Variants in PHKA2 observed in about 807,000 individuals in gnomAD.
The protein encoded by PHKA2 is phosphorylase kinase regulatory subunit alpha 2.
PHKA2 carries 31 observed loss-of-function variants against 102.0 expected under a neutral mutation model. The observed-to-expected ratio is 0.30, with a 90% CI of 0.23 to 0.41. PHKA2 has a LOEUF of 0.41. Ranked by LOEUF, PHKA2 falls within the 10% of genes least tolerant of loss-of-function variation. The pLI, the probability that PHKA2 is intolerant of heterozygous loss-of-function variation, is 1.00. For missense variants in PHKA2, 858 were observed against 1,023.1 expected, an observed-to-expected ratio of 0.84 and a Z score of 2.20; for synonymous variants, 455 against 416.2, an observed-to-expected ratio of 1.09 and a Z score of -1.13.
Position 18,908,850 on chromosome X carries a change from A to G in PHKA2, c.2311T>C (p.Ser771Pro). Residue 771 changes from serine (S) to proline (P), a missense_variant, in exon 21 of 33, where the codon TCG (serine) becomes CCG (proline). By Grantham distance (74) the Ser-to-Pro change is moderately conservative. This residue lies in a region of PHKA2 where 671 missense variants were observed against 745.2 expected (regional missense o/e 0.90). Transcript: ENST00000379942. ...ATGTCTGCTTGGTCCTGTAGGTTCGAACAATCTTTTAGCTGCTCAACCAGC... is the reference window on the plus strand; with the variant it reads ...ATGTCTGCTTGGTCCTGTAGGTTCGGACAATCTTTTAGCTGCTCAACCAGC... ...EKLVEQLKDC[S>P]NLQDQADILY... The G allele has an allele frequency of 8.3e-7, 1 of 1,210,558 alleles. No individual in the cohort carries two copies. The highest frequency in any genetic ancestry group is 1.1e-6 in the Non-Finnish European group (1 of 894,344).
At chrX:18,957,738 T>TTTTATATATATATA (rs1556017565) in intron 1 of PHKA2, among the ~76,000 whole-genome samples, 3 of 95,147 alleles carry the variant, frequency 3.2e-5, no homozygotes, top group African/African-American at 1.3e-4. Context: ...TAAAACCAGA[T>TTTTATATATATATA]TATATATATA....
chrX:18,940,828 T>C (rs1206674580), intron 8 of PHKA2, among the ~76,000 whole-genome samples: 1 of 111,623 alleles, frequency 9.0e-6, no homozygotes, highest in Non-Finnish European at 1.9e-5. Context: ...CCGCTCTTCT[T>C]GTAAACACTT....
rs879137819 is a variant in PHKA2, at chrX:18,892,743, C to CT, written c.*741dup. ...TGCCTGGCTATAAGAGGAGCCTTGTCTTTTTTTTTTTTTTTTTCTAGATTC... is the reference window on the plus strand; with the variant it reads ...TGCCTGGCTATAAGAGGAGCCTTGTCTTTTTTTTTTTTTTTTTTCTAGATTC... On this transcript the variant is annotated 3_prime_UTR_variant, in exon 33 of 33. Coordinates refer to ENST00000379942, the MANE Select transcript of PHKA2 (RefSeq NM_000292.3). 675 of 94,075 alleles carry CT rather than the reference C, an allele frequency of 7.2e-3. 8 individuals are homozygous for CT. The highest frequency in any genetic ancestry group is 0.016 in the African/African-American group (421 of 26,020). The allele number at this position is 94,075 out of a possible 1,213,427, so 7.8% of individuals were successfully genotyped here.
chrX:18,936,427 T>C (rs994634384), intron 10 of PHKA2, among the ~76,000 whole-genome samples: 2 of 111,945 alleles, frequency 1.8e-5, no homozygotes. Context: ...CATCATACAG[T>C]AGCTGTTTCT....
Position 18,934,655 on chromosome X carries a change from T to C in PHKA2, c.1137+1400A>G, listed in dbSNP as rs763213020. Among the ~76,000 whole-genome samples the C allele has an allele frequency of 4.4e-5, 5 of 112,937 alleles. No homozygotes were observed. The East Asian group carries it at 1.4e-3, about 31-fold the overall frequency. ...CGTAATAGTTCCTTTTAGATGAAAA[T>C]AAGGCTCAAAGTGATACACGGTGGT... On this transcript the variant is annotated intron_variant, in intron 11 of 32. Coordinates refer to ENST00000379942, the MANE Select transcript of PHKA2 (RefSeq NM_000292.3).
intron 1 of PHKA2, among the ~76,000 whole-genome samples, chrX:18,961,690 A>G (rs1437132724): frequency 9.7e-6 from 1 of 103,320 alleles, no homozygotes; most frequent in Non-Finnish European, 2.0e-5. Flanking sequence ...AGCTCATTTT[A>G]TTATTATGCA....
chrX:18,905,628 C>T, intron 26 of PHKA2, 130 bp downstream of exon 26: 2 of 557,984 alleles, frequency 3.6e-6, no homozygotes, highest in Non-Finnish European at 6.5e-6. Context: ...GAGCCTAGGA[C>T]TCTGTCCATC....
chrX:18,895,458 G>C, intron 30 of PHKA2: 1 of 387,697 alleles, frequency 2.6e-6, no homozygotes. Context: ...GAGTCCTCCC[G>C]GGAGGCTCCG....
intron 17 of PHKA2, 129 bp from the exon 18 acceptor site, chrX:18,920,330 T>C (rs184392445): frequency 3.3e-4 from 173 of 517,417 alleles, no homozygotes; most frequent in Non-Finnish European, 5.6e-4. Context: ...ACTCTGCAGA[T>C]TGCCCCATAT....
At chrX:18,913,403 TTTTC>T (rs1309490418) in intron 19 of PHKA2, among the ~76,000 whole-genome samples, 16 of 111,641 alleles carry the variant, frequency 1.4e-4, no homozygotes, top group African/African-American at 5.2e-4. Flanking sequence ...TACAAAAATA[TTTTC>T]TTTCTTTTTT....
intron 9 of PHKA2, among the ~76,000 whole-genome samples, chrX:18,939,392 C>T (rs1007715957): frequency 1.8e-5 from 2 of 111,322 alleles, no homozygotes; most frequent in African/African-American, 3.3e-5. Context: ...CTATGTTGCC[C>T]AGACTGGTCT....
chrX:18,899,785 C>T (rs911343712), intron 28 of PHKA2, among the ~76,000 whole-genome samples: 2 of 111,981 alleles, frequency 1.8e-5, no homozygotes, highest in Non-Finnish European at 3.8e-5. Flanking sequence ...GGTATTCTTA[C>T]AAAAGAGACT....
At chrX:18,939,434 T>C (rs2048451894) in intron 9 of PHKA2, among the ~76,000 whole-genome samples, 1 of 111,813 alleles carries the variant, frequency 8.9e-6, no homozygotes, top group African/African-American at 3.3e-5. Context: ...TCCTCCCTCC[T>C]CAGCCTCCCC....
At chrX:18,943,584 G>T in intron 7 of PHKA2, 126 bp downstream of exon 7, 1 of 588,829 alleles carries the variant, frequency 1.7e-6, no homozygotes, top group Non-Finnish European at 3.0e-6. Context: ...TTTTATGGGT[G>T]AGAAAACTGA....
At chrX:18,898,510 A>G (rs1332603151) in intron 29 of PHKA2, among the ~76,000 whole-genome samples, 1 of 112,989 alleles carries the variant, frequency 8.9e-6, no homozygotes, top group Admixed American at 9.3e-5. Flanking sequence ...TGCACAGTCA[A>G]ATGTAAAGGG....
At chrX:18,974,558 AAAC>A (rs1420955248) in intron 1 of PHKA2, among the ~76,000 whole-genome samples, 2 of 111,679 alleles carry the variant, frequency 1.8e-5, no homozygotes, top group African/African-American at 6.5e-5. Flanking sequence ...CGGGGGGCCT[AAAC>A]AACAGAAATA....
At chrX:18,904,646 G>C (rs1327291400) in intron 26 of PHKA2, among the ~76,000 whole-genome samples, 1 of 112,008 alleles carries the variant, frequency 8.9e-6, no homozygotes, top group Non-Finnish European at 1.9e-5. Flanking sequence ...AAAGCATTCT[G>C]AGCACCCCTC....
intron 4 of PHKA2, among the ~76,000 whole-genome samples, chrX:18,949,899 T>C (rs1046182905): frequency 9.8e-5 from 11 of 112,702 alleles, no homozygotes; most frequent in South Asian, 3.6e-4. Flanking sequence ...TACTGCTTAC[T>C]GATTTCTGGG....
intron 7 of PHKA2, among the ~76,000 whole-genome samples, chrX:18,942,597 C>T (rs558650647): frequency 9.0e-6 from 1 of 110,966 alleles, no homozygotes; most frequent in Non-Finnish European, 1.9e-5. Context: ...AACCCCAGAG[C>T]TTTGGGAGGC....
Sources: allele counts gnomAD v4.1 joint callset (sites outside exome capture counted in the v4.1 genomes callset), GRCh38; gene constraint gnomAD v4.1.1; regional missense constraint gnomAD v4.1.1; transcripts MANE v1.5; gene names NCBI Gene and HGNC (gene_info 2026-07-23, HGNC 2026-07-21).